The following TBC1D12 variants were observed in gnomAD, a reference collection of about 807,000 sequenced individuals.
The protein encoded by TBC1D12 is TBC1 domain family, member 12.
A neutral mutation model predicts 86.7 loss-of-function variants in TBC1D12; 56 were observed. The ratio of observed to expected loss-of-function variants is 0.65; its 90% CI spans 0.52 to 0.81. TBC1D12 has a LOEUF of 0.81. Among genes scored for constraint, TBC1D12 ranks in the 30% least tolerant of loss-of-function variants. TBC1D12 has a pLI of 0.00. For synonymous variants in TBC1D12, 421 were observed against 411.7 expected (o/e 1.02, Z -0.27); for missense variants, 1,023 against 1,038.8 (o/e 0.98, Z 0.21).
Position 94,449,747 on chromosome 10 carries a change from G to A in TBC1D12, c.1095+7728G>A, listed in dbSNP as rs2055521926. On this transcript the variant is annotated intron_variant, in intron 2 of 12. Transcript: ENST00000225235. Reference sequence around the variant, plus strand: ...CAAGTCAGTTAATGGATATATCAGGGTATATATCAGGCAATTTTGGCTCTC... The same window carrying A: ...CAAGTCAGTTAATGGATATATCAGGATATATATCAGGCAATTTTGGCTCTC... Among the ~76,000 whole-genome samples, 9 of 152,306 alleles carry A rather than the reference G, an allele frequency of 5.9e-5. No homozygotes were observed. In the South Asian group the frequency reaches 1.9e-3, roughly 32 times the overall value.
At chr10:94,469,057 T>A (rs949467811) in intron 2 of TBC1D12, among the ~76,000 whole-genome samples, 24 of 152,338 alleles carry the variant, frequency 1.6e-4, no homozygotes, top group African/African-American at 5.5e-4. Flanking sequence ...TTACGTTAGA[T>A]GTGAACTAAA....
chr10:94,419,152 C>T (rs1043037099), intron 1 of TBC1D12, among the ~76,000 whole-genome samples: 6 of 152,170 alleles, frequency 3.9e-5, no homozygotes, highest in South Asian at 2.1e-4. Flanking sequence ...GGATTACAGG[C>T]GTGAGTCACC....
chr10:94,457,337 G>A (rs2055643201), intron 2 of TBC1D12, among the ~76,000 whole-genome samples: 1 of 152,032 alleles, frequency 6.6e-6, no homozygotes, highest in African/African-American at 2.4e-5. Context: ...ACTTAAAGTG[G>A]GTTTTTTTGT....
At chr10:94,511,042 C>T (rs1157719615) in intron 8 of TBC1D12, among the ~76,000 whole-genome samples, 1 of 148,878 alleles carries the variant, frequency 6.7e-6, no homozygotes, top group African/African-American at 2.5e-5. Flanking sequence ...TTGTATCCAT[C>T]AAGTAAGTTT....
chr10:94,449,830 A>G (rs946217039), intron 2 of TBC1D12, among the ~76,000 whole-genome samples: 4 of 152,136 alleles, frequency 2.6e-5, no homozygotes, highest in African/African-American at 9.7e-5. Flanking sequence ...GTCAGTCCCC[A>G]TATTTTATTT....
intron 4 of TBC1D12, 107 bp from the exon 5 acceptor site, chr10:94,496,948 A>T: frequency 1.8e-6 from 1 of 551,418 alleles, no homozygotes; most frequent in East Asian, 3.8e-5. Flanking sequence ...TCCTCTTATG[A>T]TAATATTCTT....
chr10:94,484,248 G>GT (rs35799519), intron 3 of TBC1D12, among the ~76,000 whole-genome samples: 7 of 133,556 alleles, frequency 5.2e-5, no homozygotes, highest in African/African-American at 1.1e-4. Context: ...TGTTTCTTTT[G>GT]TTTTTTTTTT....
At chr10:94,519,983 T>C (rs1180661238) in intron 9 of TBC1D12, among the ~76,000 whole-genome samples, 1 of 152,200 alleles carries the variant, frequency 6.6e-6, no homozygotes, top group Non-Finnish European at 1.5e-5. Context: ...GGTGGGCAAT[T>C]ATTATGCCTA....
chr10:94,523,192 CAAAAAAAAAAA>C (rs33935088), intron 11 of TBC1D12, among the ~76,000 whole-genome samples: 4 of 44,076 alleles, frequency 9.1e-5, no homozygotes, highest in East Asian at 1.7e-3. Context: ...AACTCTATCT[CAAAAAAAAAAA>C]AAAAAAAAAA....
intron 1 of TBC1D12, among the ~76,000 whole-genome samples, chr10:94,434,672 G>A (rs1348859499): frequency 4.6e-5 from 7 of 152,000 alleles, no homozygotes; most frequent in African/African-American, 1.7e-4. Flanking sequence ...TTGGGAGGCC[G>A]AGGCGGGAAG....
chr10:94,530,854 CTTTT>C (rs71031584), intron 11 of TBC1D12, among the ~76,000 whole-genome samples: 7 of 102,662 alleles, frequency 6.8e-5, no homozygotes, highest in Non-Finnish European at 1.3e-4. Flanking sequence ...GGGAGGAAGC[CTTTT>C]TTTTTTTTTT....
chr10:94,416,491 T>A (rs2054999352), intron 1 of TBC1D12, among the ~76,000 whole-genome samples: 1 of 152,212 alleles, frequency 6.6e-6, no homozygotes. Flanking sequence ...ATTTACATGA[T>A]TACCCTTCAG....
chr10:94,504,703 G>A (rs1287116705), intron 6 of TBC1D12, among the ~76,000 whole-genome samples: 1 of 152,114 alleles, frequency 6.6e-6, no homozygotes, highest in African/African-American at 2.4e-5. Context: ...AGAAATCTTA[G>A]TTTTTCTTCA....
At chr10:94,531,538 A>C in intron 12 of TBC1D12, 78 bp downstream of exon 12, 1 of 1,394,820 alleles carries the variant, frequency 7.2e-7, no homozygotes, top group South Asian at 1.9e-5. Context: ...TATTTCTTAA[A>C]AGTTAGTACT....
intron 6 of TBC1D12, among the ~76,000 whole-genome samples, chr10:94,505,113 T>A (rs1177861507): frequency 2.6e-5 from 4 of 152,330 alleles, no homozygotes; most frequent in Non-Finnish European, 2.9e-5. Context: ...CCCTTTTTTT[T>A]AGATAGTTTT....
intron 9 of TBC1D12, among the ~76,000 whole-genome samples, chr10:94,516,340 A>G (rs1312062523): frequency 2.6e-5 from 4 of 152,218 alleles, no homozygotes; most frequent in Admixed American, 2.0e-4. Flanking sequence ...CAAATCTATT[A>G]GAGAAACTAC....
chr10:94,522,049 G>T lies in TBC1D12; in HGVS notation c.1856G>T (p.Cys619Phe). 1.9e-6 allele frequency: 3 copies of T among 1,612,796 alleles called. No homozygotes were observed. The highest frequency in any genetic ancestry group is 2.5e-6 in the Non-Finnish European group (3 of 1,179,166). ...IAFANLLNKP[C>F]QLAFFRVDHS... is the part of the protein sequence containing the mutation. The stretch of plus-strand genomic sequence containing the variant: ...TTTGCCAATCTCCTGAATAAGCCAT[G>T]CCAGTTGGCCTTTTTTCGTGTGGAT... Residue 619 changes from cysteine to phenylalanine, a missense_variant, in exon 10 of 13, where the codon TGC becomes TTC. Cys to Phe is a radical substitution (Grantham distance 205). Coordinates refer to ENST00000225235, the MANE Select transcript of TBC1D12 (RefSeq NM_015188.2).
At chr10:94,451,708 G>C (rs77430282) in intron 2 of TBC1D12, among the ~76,000 whole-genome samples, 4,624 of 152,158 alleles carry the variant, frequency 0.03, 111 homozygotes, top group Middle Eastern at 0.14. Flanking sequence ...TTGCTAACAG[G>C]TGATATCTTA....
At chr10:94,439,388 A>G (rs563913461) in intron 1 of TBC1D12, among the ~76,000 whole-genome samples, 1 of 152,286 alleles carries the variant, frequency 6.6e-6, no homozygotes, top group African/African-American at 2.4e-5. Flanking sequence ...TAGAGGGAAT[A>G]TGACTTGATG....
Sources: gnomAD v4.1 joint callset for allele counts (sites outside exome capture counted in the v4.1 genomes callset) on GRCh38, gnomAD v4.1.1 for gene constraint, MANE v1.5 for transcripts, NCBI Gene and HGNC (gene_info 2026-07-23, HGNC 2026-07-21) for gene names.